PPME1: variants seen among roughly 807,000 people sequenced by gnomAD.
PPME1 encodes testicular secretory protein Li 39.
A neutral mutation model predicts 56.9 loss-of-function variants in PPME1; 17 were observed. The observed-to-expected ratio is 0.30, with a 90% confidence interval of 0.20 to 0.45. The LOEUF (loss-of-function observed/expected upper bound fraction) is 0.45, where lower values mean the gene tolerates loss of function less well. Ranked by LOEUF, PPME1 falls within the 20% of genes least tolerant of loss-of-function variation. The pLI, the probability that PPME1 is intolerant of heterozygous loss-of-function variation, is 1.00. For missense variants in PPME1, 357 were observed against 483.2 expected (o/e 0.74, Z 2.45); for synonymous variants, 122 against 156.2 (o/e 0.78, Z 1.63).
chr11:74,177,468 T>C (rs959510997), intron 1 of PPME1, among the ~76,000 whole-genome samples: 1 of 151,974 alleles, frequency 6.6e-6, no homozygotes, highest in Non-Finnish European at 1.5e-5. Flanking sequence ...AAAAAAAGTC[T>C]TCTTTCTCAC....
intron 1 of PPME1, among the ~76,000 whole-genome samples, chr11:74,190,016 C>T (rs1857791772): frequency 6.6e-6 from 1 of 152,168 alleles, no homozygotes; most frequent in Non-Finnish European, 1.5e-5. Flanking sequence ...AAATCTGAAA[C>T]TTTTTGAGTG....
chr11:74,251,571 C>G (rs988068271), intron 12 of PPME1, 77 bp from the exon 13 acceptor site: 2 of 1,575,780 alleles, frequency 1.3e-6, no homozygotes, highest in African/African-American at 2.7e-5. Flanking sequence ...GCCTAACCAT[C>G]TAACAGTAGC....
chr11:74,192,046 A>G (rs911080254), intron 1 of PPME1, among the ~76,000 whole-genome samples: 2 of 152,216 alleles, frequency 1.3e-5, no homozygotes, highest in African/African-American at 4.8e-5. Flanking sequence ...CATCCTGAGC[A>G]TGGAAAAGCT....
intron 1 of PPME1, among the ~76,000 whole-genome samples, chr11:74,196,276 GT>G (rs1037453153): frequency 1.3e-5 from 2 of 152,196 alleles, no homozygotes; most frequent in Non-Finnish European, 2.9e-5. Context: ...CAAGTCCTGT[GT>G]CTTTTTTATC....
At chr11:74,180,180 T>C (rs1857494673) in intron 1 of PPME1, among the ~76,000 whole-genome samples, 1 of 152,228 alleles carries the variant, frequency 6.6e-6, no homozygotes, top group South Asian at 2.1e-4. Context: ...TTTGATCATA[T>C]AATTTTGTTG....
chr11:74,243,764 TCTTTTC>T (rs974166461), intron 9 of PPME1, among the ~76,000 whole-genome samples: 1 of 150,316 alleles, frequency 6.7e-6, no homozygotes, highest in African/African-American at 2.5e-5. Flanking sequence ...TTTTTCTTTT[TCTTTTC>T]CTTTCTTTCT....
rs1483318089 is a variant in PPME1 at position 74,223,032 on chromosome 11, G to A, written c.346+663G>A. Among the ~76,000 whole-genome samples the A allele has an allele frequency of 2.5e-4, 38 of 151,350 alleles. No individual in the cohort carries two copies. The Middle Eastern group carries it at 0.01, about 41-fold the overall frequency. ...ATGTATACATGTGCCATGCTGGTGCGCTGCACCCACCAACTCGTCATCTAG... is the reference window on the plus strand; with the variant it reads ...ATGTATACATGTGCCATGCTGGTGCACTGCACCCACCAACTCGTCATCTAG... On this transcript the variant is annotated intron_variant, in intron 4 of 13. Coordinates refer to ENST00000328257, the MANE Select transcript of PPME1 (RefSeq NM_016147.3).
chr11:74,221,097 G>A (rs1042611170), intron 3 of PPME1, among the ~76,000 whole-genome samples: 1 of 152,098 alleles, frequency 6.6e-6, no homozygotes, highest in Non-Finnish European at 1.5e-5. Flanking sequence ...AATATTTGTA[G>A]TGATTTTCTG....
intron 1 of PPME1, among the ~76,000 whole-genome samples, chr11:74,184,957 A>G (rs1456389888): frequency 6.7e-6 from 1 of 150,160 alleles, no homozygotes; most frequent in African/African-American, 2.4e-5. Context: ...TGATTGCCCT[A>G]ATGATATTTA....
Position 74,253,841 on chromosome 11 carries a change from G to T in PPME1, c.*331G>T. 2.1e-6 allele frequency: 1 copy of T among 468,924 alleles called. No individual in the cohort carries two copies. Among genetic ancestry groups the T allele is most frequent in the Non-Finnish European group, 3.8e-6 (1 of 262,914 alleles). The allele number at this position is 468,924 out of a possible 1,614,324, so 29.0% of individuals were successfully genotyped here. ...ACTGAGCCCCTCTTCCTAGCATCAG[G>T]CGATACATCTGAGTTCAAATGTCTT... is the stretch of plus-strand genomic sequence containing the variant. On this transcript the variant is annotated 3_prime_UTR_variant, in exon 14 of 14. Coordinates refer to ENST00000328257, the MANE Select transcript of PPME1 (RefSeq NM_016147.3).
chr11:74,236,572 G>A (rs1047340679), intron 8 of PPME1, among the ~76,000 whole-genome samples: 2 of 152,158 alleles, frequency 1.3e-5, no homozygotes, highest in African/African-American at 4.8e-5. Flanking sequence ...CACTGTGCAA[G>A]GTATTTTATA....
At chr11:74,226,655 TTGATGA>T (rs1453960926) in intron 5 of PPME1, among the ~76,000 whole-genome samples, 1 of 152,116 alleles carries the variant, frequency 6.6e-6, no homozygotes, top group African/African-American at 2.4e-5. Context: ...GTCAGACAAA[TTGATGA>T]TGATAGCTTG....
rs1455309198 is a variant in PPME1, at chr11:74,230,258, G to A, written c.412G>A (p.Val138Met). The change falls in exon 6 of 14, where the codon GTG (valine) becomes ATG (methionine). Residue 138 changes from valine (V) to methionine (M), a missense_variant. Physicochemically the swap from Val to Met is conservative, Grantham distance 21. This residue lies in a region of PPME1 where 175 missense variants were observed against 189.4 expected (regional missense o/e 0.92). Coordinates refer to ENST00000328257, the MANE Select transcript of PPME1 (RefSeq NM_016147.3). The surrounding 1 kb of genome is among the most constrained non-coding windows in gnomAD (Gnocchi z 4.9). Reference protein sequence around the residue: ...AETMAKDVGNVVEAMYGDLPP... With the variant: ...AETMAKDVGNMVEAMYGDLPP... ...TTCTCTTTGCAGAGACGTTGGCAAT[G>A]TGGTTGAAGCCATGTATGGGGACCT... 6.2e-7 allele frequency: 1 copy of A among 1,606,142 alleles called. No individual in the cohort carries two copies. Among genetic ancestry groups the A allele is most frequent in the East Asian group, 2.2e-5 (1 of 44,792 alleles).
chr11:74,191,272 T>A (rs1191205937), intron 1 of PPME1, among the ~76,000 whole-genome samples: 1 of 152,154 alleles, frequency 6.6e-6, no homozygotes, highest in African/African-American at 2.4e-5. Flanking sequence ...TCTGGGAGAT[T>A]GAAGCTGCAG....
intron 8 of PPME1, 37 bp downstream of exon 8, chr11:74,236,003 C>G (rs761035381): frequency 6.2e-7 from 1 of 1,602,324 alleles, no homozygotes; most frequent in Non-Finnish European, 8.5e-7. Flanking sequence ...TGGTTAGAGG[C>G]GGAAACATGG....
chr11:74,247,826 G>A (rs1412101886), intron 11 of PPME1: 1 of 152,562 alleles, frequency 6.6e-6, no homozygotes, highest in Non-Finnish European at 1.5e-5. Context: ...GAAAGGGAAA[G>A]GCTCAAGATA....
In PPME1 at chr11:74,250,988, C is replaced by T; in HGVS notation, c.1044C>T (p.Gly348=). The T allele has an allele frequency of 6.2e-7, 1 of 1,600,572 alleles. No individual in the cohort carries two copies. Among genetic ancestry groups the T allele is most frequent in the Non-Finnish European group, 8.5e-7 (1 of 1,173,456 alleles). The change falls in exon 12 of 14, where the codon GGC becomes GGT. Residue 348 remains glycine (G), a synonymous_variant. Coordinates refer to ENST00000328257, the MANE Select transcript of PPME1 (RefSeq NM_016147.3). ...KFQMQVLPQC[G]HAVHEDAPDK... ...AGATGCAGGTCCTACCCCAGTGTGG[C>T]CATGCAGTCCATGAGGATGCCCCTG...
chr11:74,245,721 G>C (rs879440508), intron 9 of PPME1, among the ~76,000 whole-genome samples: 1 of 152,090 alleles, frequency 6.6e-6, no homozygotes, highest in Non-Finnish European at 1.5e-5. Flanking sequence ...TCATACTGCA[G>C]TATGTTCTTT....
chr11:74,238,063 C>T (rs1859241601), intron 8 of PPME1: 1 of 152,162 alleles, frequency 6.6e-6, no homozygotes, highest in Non-Finnish European at 1.5e-5. Flanking sequence ...TTAACTGTCA[C>T]ATAGATAGCT....
Sources: allele counts gnomAD v4.1 joint callset (sites outside exome capture counted in the v4.1 genomes callset), GRCh38; gene constraint gnomAD v4.1.1; regional missense constraint gnomAD v4.1.1; non-coding constraint Gnocchi (gnomAD v3.1); transcripts MANE v1.5; gene names NCBI Gene and HGNC (gene_info 2026-07-23, HGNC 2026-07-21).